Variants in PARD6B observed in about 807,000 individuals in gnomAD.
PARD6B encodes the protein par-6 family cell polarity regulator beta, also known as partitioning defective 6 homolog beta.
A neutral mutation model predicts 10.5 loss-of-function variants in PARD6B; 4 were observed. That is an observed-to-expected ratio of 0.38 (90% CI 0.19 to 0.87). The LOEUF (loss-of-function observed/expected upper bound fraction) is 0.87. PARD6B is among the 40% of genes least tolerant of loss of function. PARD6B has a pLI of 0.41. For synonymous variants in PARD6B, 169 were observed against 170.4 expected, an observed-to-expected ratio of 0.99 and a Z score of 0.07; for missense variants, 396 against 470.6, an observed-to-expected ratio of 0.84 and a Z score of 1.47.
chr20:50,735,779 A>G (rs1022484559), intron 1 of PARD6B, among the ~76,000 whole-genome samples: 7 of 152,256 alleles, frequency 4.6e-5, no homozygotes, highest in African/African-American at 1.7e-4. Flanking sequence ...GAGCGAAGAA[A>G]TTTCATCCAA....
chr20:50,738,882 A>G (rs547540456), intron 2 of PARD6B, among the ~76,000 whole-genome samples: 2 of 151,814 alleles, frequency 1.3e-5, no homozygotes, highest in Admixed American at 6.6e-5. Flanking sequence ...CTGCCTCTCA[A>G]AGTGCTGGGA....
chr20:50,735,065 G>A (rs1311141532), intron 1 of PARD6B, among the ~76,000 whole-genome samples: 2 of 152,188 alleles, frequency 1.3e-5, no homozygotes, highest in African/African-American at 4.8e-5. Context: ...CAGGAGAATT[G>A]CTTGAACCTG....
In PARD6B at chr20:50,740,565, G is replaced by A. The variant is rs145317596; in HGVS notation, c.289+2486G>A. On this transcript the variant is annotated intron_variant, in intron 2 of 2. Transcript: ENST00000371610. Reference sequence around the variant, plus strand: ...CTTTCTAAGTTTTTATTTATTGGTGGTATAATTTTTATTGAGACCTTTGAT... The same window carrying A: ...CTTTCTAAGTTTTTATTTATTGGTGATATAATTTTTATTGAGACCTTTGAT... Among the ~76,000 whole-genome samples the A allele has an allele frequency of 6.0e-3, 915 of 152,098 alleles. 8 individuals carry two copies. Among genetic ancestry groups the A allele is most frequent in the East Asian group, 0.035 (181 of 5,188 alleles).
chr20:50,742,321 G>A (rs1398900731), intron 2 of PARD6B, among the ~76,000 whole-genome samples: 1 of 152,150 alleles, frequency 6.6e-6, no homozygotes, highest in Admixed American at 6.5e-5. Context: ...TGGGTTTACA[G>A]GTGGGAGCCG....
chr20:50,749,468 C>T (rs1189482761), intron 2 of PARD6B, among the ~76,000 whole-genome samples, 191 bp from the exon 3 acceptor site: 2 of 152,054 alleles, frequency 1.3e-5, no homozygotes, highest in African/African-American at 2.4e-5. Context: ...TTTGAGATGG[C>T]CACCTAGTGG....
chr20:50,752,344 A>T lies in PARD6B; in HGVS notation c.*1856A>T. 1.0e-6 allele frequency: 1 copy of T among 984,980 alleles called. No homozygotes were observed. Among genetic ancestry groups the T allele is most frequent in the Non-Finnish European group, 1.2e-6 (1 of 829,234 alleles). The allele number at this position is 984,980 out of a possible 1,614,324, so 61.0% of individuals were successfully genotyped here. On this transcript the variant is annotated 3_prime_UTR_variant, in exon 3 of 3. Coordinates refer to ENST00000371610, the MANE Select transcript of PARD6B (RefSeq NM_032521.3). ...CACTTTTTATGCCAAAAAAAAAAAA[A>T]ATTGGGTTTTCCTTCATGGGATTTC...
In PARD6B at chr20:50,752,405, G is replaced by A. The variant is rs1600822018; in HGVS notation, c.*1917G>A. 3.0e-6 allele frequency: 3 copies of A among 985,418 alleles called. No individual in the cohort carries two copies. Among genetic ancestry groups the A allele is most frequent in the Non-Finnish European group, 3.6e-6 (3 of 829,852 alleles). The allele number at this position is 985,418 out of a possible 1,614,324, so 61.0% of individuals were successfully genotyped here. A position where few individuals can be genotyped will look rare whatever the true frequency, so the allele number is the denominator to read the frequency against. On this transcript the variant is annotated 3_prime_UTR_variant, in exon 3 of 3. Transcript: ENST00000371610. ...GCCTACACTTTATGAAAACTACATA[G>A]TATTCACCTGTGACAGGTAGAGTTT...
intron 1 of PARD6B, among the ~76,000 whole-genome samples, chr20:50,733,639 G>A (rs1373144876): frequency 6.6e-6 from 1 of 152,138 alleles, no homozygotes; most frequent in Non-Finnish European, 1.5e-5. Context: ...TTCCTTTAGC[G>A]GTATGGTGGC....
At chr20:50,742,728 T>A (rs1266416507) in intron 2 of PARD6B, among the ~76,000 whole-genome samples, 1 of 152,194 alleles carries the variant, frequency 6.6e-6, no homozygotes, top group Non-Finnish European at 1.5e-5. Flanking sequence ...ATGTGATCTT[T>A]TAACATCTGA....
chr20:50,749,371 C>T (rs2087587137), intron 2 of PARD6B, among the ~76,000 whole-genome samples: 2 of 152,020 alleles, frequency 1.3e-5, no homozygotes, highest in African/African-American at 2.4e-5. Context: ...TAAGATCTAT[C>T]ATAGTTTCAT....
In PARD6B at chr20:50,752,391, A is replaced by G. The variant is rs766153282; in HGVS notation, c.*1903A>G. The G allele has an allele frequency of 5.3e-5, 52 of 985,610 alleles. No homozygotes were observed. The highest frequency in any genetic ancestry group is 5.9e-5 in the Non-Finnish European group (49 of 829,910). 61.1% of individuals were successfully genotyped at this position (985,610 alleles called of 1,614,324 possible). The stretch of plus-strand genomic sequence containing the variant: ...TTTCTAGAAACACTGCCTACACTTT[A>G]TGAAAACTACATAGTATTCACCTGT... On this transcript the variant is annotated 3_prime_UTR_variant, in exon 3 of 3. Coordinates refer to ENST00000371610, the MANE Select transcript of PARD6B (RefSeq NM_032521.3).
intron 2 of PARD6B, among the ~76,000 whole-genome samples, chr20:50,743,593 A>G (rs1010098905): frequency 2.6e-5 from 4 of 152,212 alleles, no homozygotes; most frequent in African/African-American, 4.8e-5. Flanking sequence ...TTTTAACAAA[A>G]GATATGGCCC....
chr20:50,739,569 T>C (rs896848949), intron 2 of PARD6B, among the ~76,000 whole-genome samples: 1 of 152,180 alleles, frequency 6.6e-6, no homozygotes, highest in African/African-American at 2.4e-5. Flanking sequence ...TGATTATGTA[T>C]CTTTGCTTTC....
chr20:50,750,072 A>G lies in PARD6B; in HGVS notation c.703A>G (p.Met235Val). The change falls in exon 3 of 3, where the codon ATG becomes GTG. Residue 235 changes from methionine (M) to valine (V), a missense_variant. Around this residue, in one of 2 missense-constraint regions of PARD6B, gnomAD observed 188 missense variants for 169.7 expected, o/e 1.11. Coordinates refer to ENST00000371610, the MANE Select transcript of PARD6B (RefSeq NM_032521.3). ...GKSLDQVTDM[M>V]IANSRNLIIT... Reference sequence around the variant, plus strand: ...GAGCCTTGATCAAGTAACAGACATGATGATTGCAAATAGCCGTAACCTCAT... The same window carrying G: ...GAGCCTTGATCAAGTAACAGACATGGTGATTGCAAATAGCCGTAACCTCAT... 1 of 1,614,244 alleles carries G rather than the reference A, an allele frequency of 6.2e-7. No homozygotes were observed. The highest frequency in any genetic ancestry group is 8.5e-7 in the Non-Finnish European group (1 of 1,180,050).
intron 1 of PARD6B, among the ~76,000 whole-genome samples, chr20:50,734,697 T>A (rs2087490557): frequency 6.6e-6 from 1 of 151,974 alleles, no homozygotes; most frequent in South Asian, 2.1e-4. Flanking sequence ...TTTTTTTTTA[T>A]CTTTTTAGAG....
rs2087470906 is a variant in PARD6B, at chr20:50,731,620, T to G, written c.-167T>G. ...CCCGCCGTGTGAGCAGCTGGTGGAG[T>G]GGAGCTCAGCGCGGACGCCGGAGCT... On this transcript the variant is annotated 5_prime_UTR_variant, in exon 1 of 3. Transcript: ENST00000371610. 4.1e-6 allele frequency: 2 copies of G among 486,394 alleles called. No homozygotes were observed. Among genetic ancestry groups the G allele is most frequent in the Non-Finnish European group, 7.0e-6 (2 of 283,696 alleles). The allele number at this position is 486,394 out of a possible 1,614,324, so 30.1% of individuals were successfully genotyped here.
chr20:50,734,076 T>A (rs1316730620), intron 1 of PARD6B, among the ~76,000 whole-genome samples: 2 of 152,232 alleles, frequency 1.3e-5, no homozygotes, highest in Non-Finnish European at 2.9e-5. Context: ...GAACATGTGC[T>A]GAATGAAGTC....
chr20:50,741,774 C>T (rs2087532090), intron 2 of PARD6B, among the ~76,000 whole-genome samples: 1 of 152,068 alleles, frequency 6.6e-6, no homozygotes, highest in South Asian at 2.1e-4. Flanking sequence ...TCTCGATCTC[C>T]TGACTTCGTG....
chr20:50,744,239 C>T (rs2087551337), intron 2 of PARD6B, among the ~76,000 whole-genome samples: 1 of 151,352 alleles, frequency 6.6e-6, no homozygotes, highest in African/African-American at 2.4e-5. Context: ...CTCATCCTCC[C>T]GAGTAGGTGG....
Sources: gnomAD v4.1 joint callset for allele counts (sites outside exome capture counted in the v4.1 genomes callset) on GRCh38, gnomAD v4.1.1 for gene constraint, gnomAD v4.1.1 regional missense constraint, MANE v1.5 for transcripts, NCBI Gene and HGNC (gene_info 2026-07-23, HGNC 2026-07-21) for gene names.